PPP2CA: variants seen among roughly 807,000 people sequenced by gnomAD.
PPP2CA encodes the protein protein phosphatase 2 catalytic subunit alpha.
Under a neutral mutation model 38.8 loss-of-function variants are expected in PPP2CA, and 5 were observed. The ratio of observed to expected loss-of-function variants is 0.13; its 90% CI spans 0.07 to 0.27. PPP2CA has a LOEUF of 0.27. Among genes scored for constraint, PPP2CA ranks in the 10% least tolerant of loss-of-function variants. PPP2CA has a pLI of 1.00. For synonymous variants in PPP2CA, 152 were observed against 134.0 expected (o/e 1.13, Z -0.93); for missense variants, 88 against 389.7 (o/e 0.23, Z 6.52).
In PPP2CA at chr5:134,224,352, G is replaced by C. The variant is rs1158011309; in HGVS notation, c.102+1408C>G. 3 of 449,782 alleles carry C rather than the reference G, an allele frequency of 6.7e-6. No individual in the cohort carries two copies. The East Asian group carries it at 2.1e-4, about 31-fold the overall frequency. 27.9% of individuals were successfully genotyped at this position (449,782 alleles called of 1,614,324 possible). On this transcript the variant is annotated intron_variant, in intron 1 of 6. Coordinates refer to ENST00000481195, the MANE Select transcript of PPP2CA (RefSeq NM_002715.4). Reference sequence around the variant, plus strand: ...AGATGATGTGCCACCTCATCCACTAGTAGTAGTTTTGTTCAGGCTTGGGAG... The same window carrying C: ...AGATGATGTGCCACCTCATCCACTACTAGTAGTTTTGTTCAGGCTTGGGAG...
rs1762244391 is a variant in PPP2CA at position 134,213,225 on chromosome 5, G to A, written c.103-7094C>T. On this transcript the variant is annotated intron_variant, in intron 1 of 6. Transcript: ENST00000481195. ...CTTGTTAGAGGCTAATGTAGCTGGT[G>A]ACTTTCAGTTGAAGCCAAGGCTCAT... 1.3e-5 allele frequency among the ~76,000 whole-genome samples: 2 copies of A among 152,178 alleles called. 1 individual carries two copies. Among genetic ancestry groups the A allele is most frequent in the African/African-American group, 4.8e-5 (2 of 41,430 alleles).
At chr5:134,224,288 A>G in intron 1 of PPP2CA, 1 of 455,956 alleles carries the variant, frequency 2.2e-6, no homozygotes, top group Non-Finnish European at 4.4e-6. Flanking sequence ...AAGAAACAGG[A>G]GATTCAATAC....
rs1762354352 is a variant in PPP2CA, at chr5:134,217,851, AT to A, written c.102+7908del. ...GTGGTCTTACACAAATCTAGATAGT[AT>A]AGACTACTACAAACCTAAGCTATTG... On this transcript the variant is annotated intron_variant, in intron 1 of 6. Coordinates refer to ENST00000481195, the MANE Select transcript of PPP2CA (RefSeq NM_002715.4). Among the ~76,000 whole-genome samples the A allele has an allele frequency of 2.0e-5, 3 of 152,382 alleles. No individual in the cohort carries two copies. The East Asian group carries it at 5.8e-4, about 29-fold the overall frequency.
At chr5:134,219,357 T>C (rs554680037) in intron 1 of PPP2CA, among the ~76,000 whole-genome samples, 144 of 152,334 alleles carry the variant, frequency 9.5e-4, no homozygotes, top group African/African-American at 3.1e-3. Context: ...TGTCACACGA[T>C]AGCATCAATG....
At chr5:134,218,721 T>A (rs1295450868) in intron 1 of PPP2CA, among the ~76,000 whole-genome samples, 1 of 151,026 alleles carries the variant, frequency 6.6e-6, no homozygotes, top group Non-Finnish European at 1.5e-5. Context: ...TAGGCTGGAG[T>A]GCAGGGGCAC....
intron 2 of PPP2CA, among the ~76,000 whole-genome samples, chr5:134,204,254 G>C (rs1482301657): frequency 6.6e-6 from 1 of 152,024 alleles, no homozygotes; most frequent in Non-Finnish European, 1.5e-5. Flanking sequence ...TTGCCTAGGG[G>C]GGAAAAAATC....
chr5:134,200,946 TA>T, intron 4 of PPP2CA, 38 bp downstream of exon 4: 2 of 1,491,766 alleles, frequency 1.3e-6, no homozygotes, highest in Non-Finnish European at 1.9e-6. Context: ...CACTCCCTAA[TA>T]AGTTTTCTGA....
intron 1 of PPP2CA, among the ~76,000 whole-genome samples, chr5:134,215,097 CTTTTT>C (rs10715226): frequency 1.6e-5 from 2 of 124,556 alleles, no homozygotes; most frequent in Non-Finnish European, 3.4e-5. Flanking sequence ...TATTTATTTA[CTTTTT>C]TTTTTTTTTT....
chr5:134,215,918 G>A (rs1024354331), intron 1 of PPP2CA, among the ~76,000 whole-genome samples: 2 of 152,132 alleles, frequency 1.3e-5, no homozygotes, highest in Admixed American at 6.5e-5. Flanking sequence ...GTACTCCAAC[G>A]AAATCAGATT....
chr5:134,209,798 G>C (rs1762165795), intron 1 of PPP2CA, among the ~76,000 whole-genome samples: 1 of 151,200 alleles, frequency 6.6e-6, no homozygotes, highest in Non-Finnish European at 1.5e-5. Flanking sequence ...GATCATTTTG[G>C]CGAGTGCAGC....
At chr5:134,214,374 G>A (rs1686464432) in intron 1 of PPP2CA, among the ~76,000 whole-genome samples, 1 of 152,088 alleles carries the variant, frequency 6.6e-6, no homozygotes, top group South Asian at 2.1e-4. Flanking sequence ...CTTCTAAATA[G>A]ACCTATACGT....
intron 1 of PPP2CA, among the ~76,000 whole-genome samples, chr5:134,225,259 G>A (rs978239401): frequency 2.0e-5 from 3 of 152,296 alleles, no homozygotes; most frequent in Non-Finnish European, 4.4e-5. Flanking sequence ...ACCACCAAGG[G>A]GTACTAAAGC....
In PPP2CA at chr5:134,206,101, C is replaced by T. The variant is rs1393362032; in HGVS notation, c.133G>A (p.Val45Met). 1 of 1,613,946 alleles carries T rather than the reference C, an allele frequency of 6.2e-7. No individual in the cohort carries two copies. The highest frequency in any genetic ancestry group is 8.5e-7 in the Non-Finnish European group (1 of 1,179,956). ...GTAACTGGACATCGAACCTCTTGCA[C>T]GTTGGATTCTTTTGTCAGGATTTCT... Reference protein sequence around the residue: ...AKEILTKESNVQEVRCPVTVC... With the variant: ...AKEILTKESNMQEVRCPVTVC... The change falls in exon 2 of 7, where the codon GTG becomes ATG. Residue 45 changes from valine (V) to methionine (M), a missense_variant. Physicochemically the swap from Val to Met is conservative, Grantham distance 21 (BLOSUM62 1). Around this residue, in one of 4 missense-constraint regions of PPP2CA, gnomAD observed 34 missense variants for 57.1 expected, o/e 0.60. Transcript: ENST00000481195.
At chr5:134,202,948 T>C (rs995970451) in intron 2 of PPP2CA, among the ~76,000 whole-genome samples, 1 of 152,254 alleles carries the variant, frequency 6.6e-6, no homozygotes, top group Non-Finnish European at 1.5e-5. Context: ...TCAGTTACTT[T>C]AATTTGCATT....
intron 3 of PPP2CA, 35 bp from the exon 4 acceptor site, chr5:134,201,109 A>G (rs1409555646): frequency 4.0e-6 from 6 of 1,508,422 alleles, no homozygotes; most frequent in Non-Finnish European, 5.5e-6. Context: ...AACCTCACCT[A>G]AAAAATTTGT....
chr5:134,210,122 CTAAAAACAAAA>C (rs1762174003), intron 1 of PPP2CA, among the ~76,000 whole-genome samples: 4 of 148,268 alleles, frequency 2.7e-5, no homozygotes, highest in Non-Finnish European at 4.5e-5. Context: ...AAAAAAAAAA[CTAAAAACAAAA>C]TAAAGATAAG....
At chr5:134,203,289 ATTTAG>A in intron 2 of PPP2CA, among the ~76,000 whole-genome samples, 1 of 152,310 alleles carries the variant, frequency 6.6e-6, no homozygotes, top group African/African-American at 2.4e-5. Context: ...TAGCTCTTAC[ATTTAG>A]TTCTATGATA....
At chr5:134,223,988 C>A (rs1264373538) in intron 1 of PPP2CA, among the ~76,000 whole-genome samples, 2 of 152,222 alleles carry the variant, frequency 1.3e-5, no homozygotes, top group Non-Finnish European at 2.9e-5. Context: ...GTCCCAAAGT[C>A]TGTCACAATT....
chr5:134,208,394 AAC>A (rs891146233), intron 1 of PPP2CA, among the ~76,000 whole-genome samples: 7 of 152,228 alleles, frequency 4.6e-5, no homozygotes, highest in African/African-American at 7.2e-5. Context: ...CACACCGATA[AAC>A]AGTGTTATCT....
Sources: allele counts gnomAD v4.1 joint callset (sites outside exome capture counted in the v4.1 genomes callset), GRCh38; gene constraint gnomAD v4.1.1; regional missense constraint gnomAD v4.1.1; transcripts MANE v1.5; gene names NCBI Gene and HGNC (gene_info 2026-07-23, HGNC 2026-07-21).